Variants in DOCK3 observed in about 807,000 individuals in gnomAD.
DOCK3 encodes the protein dedicator of cytokinesis 3, also known as dedicator of cytokinesis protein 3.
In DOCK3, 60 loss-of-function variants were observed where a neutral mutation model predicts 265.6. The observed-to-expected ratio is 0.23, with a 90% CI of 0.18 to 0.28. The LOEUF is 0.28. Among genes scored for constraint, DOCK3 ranks in the 10% least tolerant of loss-of-function variants. The pLI is 1.00. For missense variants in DOCK3, 1,981 were observed against 2,594.3 expected (o/e 0.76, Z 5.14); for synonymous variants, 881 against 938.0 (o/e 0.94, Z 1.11).
At chr3:51,228,112 TC>T (rs771010811) in intron 17 of DOCK3, 24 bp downstream of exon 17, 1 of 1,610,300 alleles carries the variant, frequency 6.2e-7, no homozygotes, top group East Asian at 2.2e-5. Context: ...CTGCCTTTCA[TC>T]CCCACCCCTT....
At chr3:51,263,954 A>G (rs2080010427) in intron 23 of DOCK3, among the ~76,000 whole-genome samples, 1 of 152,200 alleles carries the variant, frequency 6.6e-6, no homozygotes, top group Admixed American at 6.5e-5. Context: ...TTAGACTCCC[A>G]CAGAATAATA....
chr3:51,353,263 A>G (rs2086125659), intron 40 of DOCK3, among the ~76,000 whole-genome samples: 1 of 152,178 alleles, frequency 6.6e-6, no homozygotes, highest in African/African-American at 2.4e-5. Flanking sequence ...CCTGACCTTA[A>G]CTTTCTTCCT....
chr3:51,018,440 A>G (rs1341215585), intron 5 of DOCK3, among the ~76,000 whole-genome samples: 1 of 52,390 alleles, frequency 1.9e-5, no homozygotes, highest in Non-Finnish European at 4.6e-5. Flanking sequence ...TCCACAAAAA[A>G]GTTTTTTTTT....
intron 1 of DOCK3, among the ~76,000 whole-genome samples, chr3:50,750,568 T>A (rs1398532566): frequency 6.6e-6 from 1 of 152,188 alleles, no homozygotes; most frequent in Non-Finnish European, 1.5e-5. Flanking sequence ...GACCTCATGA[T>A]CTGCCTGCCT....
intron 3 of DOCK3, among the ~76,000 whole-genome samples, chr3:50,875,211 A>C (rs1005239556): frequency 2.6e-5 from 4 of 152,278 alleles, no homozygotes; most frequent in Admixed American, 2.6e-4. Context: ...AACTTAAAGT[A>C]AAATTAAAAA....
intron 1 of DOCK3, among the ~76,000 whole-genome samples, chr3:50,754,148 ACT>A (rs1356553223): frequency 1.1e-5 from 1 of 95,028 alleles, no homozygotes; most frequent in Non-Finnish European, 1.9e-5. Flanking sequence ...ACAGAGTGAG[ACT>A]CTGTCTCAAA....
In DOCK3 at chr3:51,270,932, A is replaced by T; in HGVS notation, c.2473A>T (p.Ile825Phe). Reference protein sequence around the residue: ...TLGSMPSTVHIGQSMDVVKLQ... With the variant: ...TLGSMPSTVHFGQSMDVVKLQ... ...GGGGAGCATGCCCAGCACTGTGCAC[A>T]TTGGGCAGTCAATGGACGTGGTCAA... Residue 825 changes from isoleucine to phenylalanine, a missense_variant, in exon 24 of 53, where the codon ATT (isoleucine) becomes TTT (phenylalanine). Transcript: ENST00000266037. 6.2e-7 allele frequency: 1 copy of T among 1,614,018 alleles called. No individual in the cohort carries two copies. The highest frequency in any genetic ancestry group is 8.5e-7 in the Non-Finnish European group (1 of 1,179,890).
At chr3:51,243,267 T>C (rs1015959095) in intron 21 of DOCK3, among the ~76,000 whole-genome samples, 6 of 152,182 alleles carry the variant, frequency 3.9e-5, no homozygotes, top group Admixed American at 3.3e-4. Context: ...TTGCTACCCC[T>C]ACCACTTCTC....
intron 1 of DOCK3, among the ~76,000 whole-genome samples, chr3:50,730,291 G>A (rs978102700): frequency 6.6e-5 from 10 of 151,952 alleles, no homozygotes; most frequent in African/African-American, 9.7e-5. Context: ...ACAGGTGCCC[G>A]CCACCATGCC....
chr3:50,993,781 C>A (rs1245229689), intron 5 of DOCK3, among the ~76,000 whole-genome samples: 1 of 152,216 alleles, frequency 6.6e-6, no homozygotes, highest in Non-Finnish European at 1.5e-5. Flanking sequence ...GCCAAAATGA[C>A]CTTTTTAAAA....
intron 2 of DOCK3, among the ~76,000 whole-genome samples, chr3:50,811,605 A>G (rs1223702078): frequency 6.6e-6 from 1 of 152,198 alleles, no homozygotes; most frequent in African/African-American, 2.4e-5. Context: ...TGCTGGTTGC[A>G]TCTTGTGAAG....
chr3:50,770,778 A>C (rs1173431291), intron 1 of DOCK3, among the ~76,000 whole-genome samples: 1 of 152,210 alleles, frequency 6.6e-6, no homozygotes, highest in Non-Finnish European at 1.5e-5. Flanking sequence ...CCGTACCTTA[A>C]CTGGCAGGTT....
intron 22 of DOCK3, among the ~76,000 whole-genome samples, chr3:51,250,657 A>G (rs967349700): frequency 3.3e-5 from 5 of 152,174 alleles, no homozygotes; most frequent in Non-Finnish European, 7.3e-5. Context: ...GATGAGTACT[A>G]TGAAGGAAAT....
intron 3 of DOCK3, among the ~76,000 whole-genome samples, chr3:50,855,445 T>C (rs2046541831): frequency 6.6e-6 from 1 of 152,136 alleles, no homozygotes; most frequent in African/African-American, 2.4e-5. Context: ...ATTGAGTTCT[T>C]GATTTGGTTC....
chr3:51,296,687 A>G (rs1355248135), intron 27 of DOCK3, among the ~76,000 whole-genome samples: 1 of 152,072 alleles, frequency 6.6e-6, no homozygotes. Flanking sequence ...TGTGTTAGCC[A>G]GGATGGTCTC....
intron 5 of DOCK3, among the ~76,000 whole-genome samples, chr3:50,957,006 C>G (rs1282834902): frequency 6.6e-6 from 1 of 152,184 alleles, no homozygotes; most frequent in Non-Finnish European, 1.5e-5. Context: ...CTCAAATGAT[C>G]TGCCTGCCTT....
At chr3:51,266,948 C>T (rs903095452) in intron 23 of DOCK3, among the ~76,000 whole-genome samples, 2 of 152,056 alleles carry the variant, frequency 1.3e-5, no homozygotes, top group African/African-American at 4.8e-5. Context: ...GGCTAATATC[C>T]AAAATCTACA....
intron 5 of DOCK3, among the ~76,000 whole-genome samples, chr3:51,044,510 T>G (rs933509706): frequency 6.6e-6 from 1 of 151,416 alleles, no homozygotes; most frequent in African/African-American, 2.4e-5. Context: ...GATGAAATAA[T>G]CTGTACGACA....
At chr3:50,894,570 A>T (rs903290140) in intron 4 of DOCK3, among the ~76,000 whole-genome samples, 3 of 152,154 alleles carry the variant, frequency 2.0e-5, no homozygotes, top group African/African-American at 7.2e-5. Context: ...CATATACAGA[A>T]TATTTGAATA....
Sources: allele counts gnomAD v4.1 joint callset (sites outside exome capture counted in the v4.1 genomes callset), GRCh38; gene constraint gnomAD v4.1.1; transcripts MANE v1.5; gene names NCBI Gene and HGNC (gene_info 2026-07-23, HGNC 2026-07-21).